The following ADGRB3 variants were observed in gnomAD, a reference collection of about 807,000 sequenced individuals.
The protein encoded by ADGRB3 is adhesion G protein-coupled receptor B3.
A neutral mutation model predicts 193.4 loss-of-function variants in ADGRB3; 37 were observed. That is an observed-to-expected ratio of 0.19 (90% CI 0.15 to 0.25). The LOEUF is 0.25. Ranked by LOEUF, ADGRB3 falls within the 10% of genes least tolerant of loss-of-function variation. ADGRB3 has a pLI of 1.00. For missense variants in ADGRB3, 1,637 were observed against 1,852.9 expected (o/e 0.88, Z 2.14); for synonymous variants, 690 against 644.2 (o/e 1.07, Z -1.08).
rs767760754 is a variant in ADGRB3 at position 68,638,973 on chromosome 6, G to T, written c.298G>T (p.Asp100Tyr). ...TCATTTTTCCCATGAAAAAATAAAG[G>T]ATCTTTTAAGAAAGAATCATTCTAT... ...FDHFSHEKIKDLLRKNHSIMQ... is the reference protein window; with the variant it reads ...FDHFSHEKIKYLLRKNHSIMQ... The change falls in exon 3 of 32, where the codon GAT becomes TAT. Residue 100 changes from aspartate to tyrosine, a missense_variant. Transcript: ENST00000370598. 11 of 1,613,760 alleles carry T rather than the reference G, an allele frequency of 6.8e-6. No individual in the cohort carries two copies. Among genetic ancestry groups the T allele is most frequent in the Non-Finnish European group, 9.3e-6 (11 of 1,179,938 alleles).
At position 68,930,425 on chromosome 6, in the gene ADGRB3, G is replaced by A. The variant is rs1159169525; in HGVS notation, c.758-134G>A. 5 of 525,930 alleles carry A rather than the reference G, an allele frequency of 9.5e-6. No individual in the cohort carries two copies. The African/African-American group carries it at 9.9e-5, about 10-fold the overall frequency. The allele number at this position is 525,930 out of a possible 1,614,324, so 32.6% of individuals were successfully genotyped here. On this transcript the variant is annotated intron_variant, in intron 3 of 31. Coordinates refer to ENST00000370598, the MANE Select transcript of ADGRB3 (RefSeq NM_001704.3). ...GTTTAGAGATATTCCAAGCAGATTAGCCTAGCAAGTTTAGAATTGTGAATT... is the reference window on the plus strand; with the variant it reads ...GTTTAGAGATATTCCAAGCAGATTAACCTAGCAAGTTTAGAATTGTGAATT...
At chr6:69,111,009 C>T (rs571639234) in intron 17 of ADGRB3, among the ~76,000 whole-genome samples, 381 of 152,186 alleles carry the variant, frequency 2.5e-3, no homozygotes, top group Non-Finnish European at 4.5e-3. Flanking sequence ...CTGATGATTT[C>T]GTTTTTAATG....
At chr6:68,681,639 T>C (rs1472218967) in intron 3 of ADGRB3, among the ~76,000 whole-genome samples, 1 of 152,140 alleles carries the variant, frequency 6.6e-6, no homozygotes, top group Non-Finnish European at 1.5e-5. Flanking sequence ...TCTCTTTCTT[T>C]TCAAACTACT....
At chr6:68,817,817 T>A (rs1020273263) in intron 3 of ADGRB3, among the ~76,000 whole-genome samples, 1 of 152,070 alleles carries the variant, frequency 6.6e-6, no homozygotes, top group Non-Finnish European at 1.5e-5. Context: ...AGAAAACTTG[T>A]ATGGTAGAAT....
chr6:68,752,197 CT>C (rs1472183594), intron 3 of ADGRB3, among the ~76,000 whole-genome samples: 6 of 151,082 alleles, frequency 4.0e-5, no homozygotes, highest in Non-Finnish European at 8.8e-5. Flanking sequence ...AAATATGGAA[CT>C]TAGTTACTTG....
At chr6:69,149,590 T>C (rs952579443) in intron 17 of ADGRB3, among the ~76,000 whole-genome samples, 1 of 152,090 alleles carries the variant, frequency 6.6e-6, no homozygotes, top group African/African-American at 2.4e-5. Flanking sequence ...CTGGATGGTC[T>C]TGATGCTTGT....
At chr6:69,216,426 G>A (rs1361487640) in intron 17 of ADGRB3, among the ~76,000 whole-genome samples, 1 of 152,188 alleles carries the variant, frequency 6.6e-6, no homozygotes, top group Non-Finnish European at 1.5e-5. Flanking sequence ...TACAGGCCCT[G>A]GTTGTGGTTA....
intron 3 of ADGRB3, among the ~76,000 whole-genome samples, chr6:68,802,079 C>A (rs1767322291): frequency 6.6e-6 from 1 of 151,368 alleles, no homozygotes; most frequent in Admixed American, 6.6e-5. Flanking sequence ...AATGGATACA[C>A]CCAAGGGCAC....
intron 20 of ADGRB3, among the ~76,000 whole-genome samples, chr6:69,275,841 G>A (rs1767292183): frequency 6.6e-6 from 1 of 152,036 alleles, no homozygotes; most frequent in Admixed American, 6.6e-5. Context: ...GAGACTAATG[G>A]AATTTCTCTT....
At chr6:69,356,025 G>T (rs1769330919) in intron 28 of ADGRB3, among the ~76,000 whole-genome samples, 165 bp downstream of exon 28, 1 of 152,148 alleles carries the variant, frequency 6.6e-6, no homozygotes, top group South Asian at 2.1e-4. Context: ...AGAAACCAAA[G>T]AACGAGGCAG....
At chr6:68,744,223 G>A (rs1766037474) in intron 3 of ADGRB3, among the ~76,000 whole-genome samples, 1 of 151,890 alleles carries the variant, frequency 6.6e-6, no homozygotes, top group South Asian at 2.1e-4. Flanking sequence ...TTTTTTTAAT[G>A]AATAAATATA....
At chr6:69,051,917 C>T (rs770817666) in intron 15 of ADGRB3, among the ~76,000 whole-genome samples, 13 of 152,020 alleles carry the variant, frequency 8.6e-5, no homozygotes, top group East Asian at 3.9e-4. Context: ...TTTTTTGAGA[C>T]GGAGTCTCGC....
chr6:68,789,731 A>G (rs1252050998), intron 3 of ADGRB3, among the ~76,000 whole-genome samples: 2 of 152,186 alleles, frequency 1.3e-5, no homozygotes, highest in Non-Finnish European at 2.9e-5. Flanking sequence ...TCTCCTGGAT[A>G]ATATCCTGCA....
chr6:69,040,307 C>CTT (rs1236133678), intron 13 of ADGRB3, among the ~76,000 whole-genome samples: 7 of 94,806 alleles, frequency 7.4e-5, no homozygotes, highest in African/African-American at 2.2e-4. Context: ...CTTTCTCTGT[C>CTT]TCTTTCTTTC....
chr6:69,091,854 C>T lies in ADGRB3; in HGVS notation c.2480+15816C>T, dbSNP rs530234448. On this transcript the variant is annotated intron_variant, in intron 17 of 31. Coordinates refer to ENST00000370598, the MANE Select transcript of ADGRB3 (RefSeq NM_001704.3). ...TAGTCTATTAATTTTAAATAAAAAT[C>T]ATGTTAAATGTTTGGAGTATTTTTG... Among the ~76,000 whole-genome samples, 345 of 152,064 alleles carry T rather than the reference C, an allele frequency of 2.3e-3. 1 individual carries two copies. Among genetic ancestry groups the T allele is most frequent in the Non-Finnish European group, 3.6e-3 (245 of 67,962 alleles).
intron 17 of ADGRB3, among the ~76,000 whole-genome samples, chr6:69,162,686 T>C (rs553742239): frequency 6.6e-6 from 1 of 152,230 alleles, no homozygotes; most frequent in South Asian, 2.1e-4. Flanking sequence ...CAACATTTTA[T>C]AAAATGAGTG....
intron 17 of ADGRB3, among the ~76,000 whole-genome samples, chr6:69,135,580 A>G (rs1774127773): frequency 6.6e-6 from 1 of 152,050 alleles, no homozygotes; most frequent in Non-Finnish European, 1.5e-5. Flanking sequence ...TTATTTCATT[A>G]TTAAGAAAAA....
chr6:68,641,567 A>G (rs1320589609), intron 3 of ADGRB3, among the ~76,000 whole-genome samples: 7 of 152,214 alleles, frequency 4.6e-5, no homozygotes, highest in South Asian at 4.1e-4. Flanking sequence ...GGGGAACAAC[A>G]TATGCTATGT....
intron 20 of ADGRB3, among the ~76,000 whole-genome samples, chr6:69,317,893 A>C (rs902779477): frequency 6.6e-6 from 1 of 151,524 alleles, no homozygotes; most frequent in African/African-American, 2.4e-5. Flanking sequence ...CTAATATAGA[A>C]AACTTAGATT....
Sources: allele counts gnomAD v4.1 joint callset (sites outside exome capture counted in the v4.1 genomes callset), GRCh38; gene constraint gnomAD v4.1.1; transcripts MANE v1.5; gene names NCBI Gene and HGNC (gene_info 2026-07-23, HGNC 2026-07-21).